DNAH6: variants seen among roughly 807,000 people sequenced by gnomAD.
DNAH6 encodes the protein axonemal beta dynein heavy chain 6.
DNAH6 carries 340 observed loss-of-function variants against 491.4 expected under a neutral mutation model. The ratio of observed to expected loss-of-function variants is 0.69; its 90% CI spans 0.63 to 0.76. DNAH6 has a LOEUF of 0.76. DNAH6 is among the 30% of genes least tolerant of loss of function. DNAH6 has a pLI of 0.00. For synonymous variants in DNAH6, 1,603 were observed against 1,686.1 expected (o/e 0.95, Z 1.21); for missense variants, 4,443 against 4,972.2 (o/e 0.89, Z 3.20).
At chr2:84,675,284 C>T (rs890333788) in intron 40 of DNAH6, among the ~76,000 whole-genome samples, 4 of 152,098 alleles carry the variant, frequency 2.6e-5, no homozygotes, top group Non-Finnish European at 5.9e-5. Flanking sequence ...TTTTTATGGC[C>T]CCTGCTAAGC....
Position 84,819,399 on chromosome 2 carries a change from G to A in DNAH6, c.12468G>A (p.Leu4156=), listed in dbSNP as rs1418635306. 2 of 1,550,556 alleles carry A rather than the reference G, an allele frequency of 1.3e-6. No individual in the cohort carries two copies. The highest frequency in any genetic ancestry group is 2.0e-5 in the Admixed American group (1 of 50,920). ...IAKGSALLCQ[L]SE ...AGGGATCAGCTTTGCTCTGCCAGCT[G>A]AGCGAATGAAAAGGTGCCACCTCAG... is the stretch of plus-strand genomic sequence containing the variant. Residue 4156 remains leucine, a synonymous_variant, in exon 77 of 77, where the codon CTG becomes CTA. Transcript: ENST00000389394.
chr2:84,657,855 G>A (rs1047196677), intron 35 of DNAH6, among the ~76,000 whole-genome samples: 3 of 151,982 alleles, frequency 2.0e-5, no homozygotes, highest in African/African-American at 7.2e-5. Flanking sequence ...GGACAAAGTT[G>A]AATAAGAGTA....
At chr2:84,479,115 C>T in the DNAH6 span, among the ~76,000 whole-genome samples, 1 of 152,344 alleles carries the variant, frequency 6.6e-6, no homozygotes, top group Non-Finnish European at 1.5e-5. Context: ...TCTCTGATGT[C>T]CAACCGTAGT....
Position 84,775,434 on chromosome 2 carries a change from G to A in DNAH6, c.10704-6059G>A, listed in dbSNP as rs142356215. On this transcript the variant is annotated intron_variant, in intron 64 of 76. Transcript: ENST00000389394. The stretch of plus-strand genomic sequence containing the variant: ...TCCTAGTATTTTGTTGAGAATTTTC[G>A]CATCTATGTTCATCATAGATATTGG... Among the ~76,000 whole-genome samples, 718 of 152,076 alleles carry A rather than the reference G, an allele frequency of 4.7e-3. 2 individuals are homozygous for A. The highest frequency in any genetic ancestry group is 0.014 in the Middle Eastern group (4 of 294).
At chr2:84,599,769 A>G (rs1178051616) in intron 18 of DNAH6, among the ~76,000 whole-genome samples, 4 of 152,156 alleles carry the variant, frequency 2.6e-5, no homozygotes, top group Non-Finnish European at 4.4e-5. Context: ...TACGATAGCT[A>G]GTAAGTGTTG....
intron 8 of DNAH6, among the ~76,000 whole-genome samples, chr2:84,548,765 C>T (rs373992453): frequency 3.0e-4 from 45 of 152,198 alleles, no homozygotes; most frequent in African/African-American, 1.0e-3. Flanking sequence ...AGCTCTGGGA[C>T]TGTGAGCTGG....
rs1359543331 is a variant in DNAH6, at chr2:84,619,911, T to C, written c.3792+7T>C. The C allele has an allele frequency of 1.3e-6, 2 of 1,545,154 alleles. No homozygotes were observed. The highest frequency in any genetic ancestry group is 1.8e-6 in the Non-Finnish European group (2 of 1,141,772). ...GTCACCAGAGGGAGAAAGGGTGAGG[T>C]GCTTTTATTTATATTTCTTTATTGA... On this transcript the variant is annotated splice_region_variant and intron_variant, in intron 24 of 76. Coordinates refer to ENST00000389394, the MANE Select transcript of DNAH6 (RefSeq NM_001370.2).
At chr2:84,734,805 CAGTTA>C (rs1699404652) in intron 62 of DNAH6, among the ~76,000 whole-genome samples, 1 of 152,172 alleles carries the variant, frequency 6.6e-6, no homozygotes, top group African/African-American at 2.4e-5. Flanking sequence ...AATAGGTTTA[CAGTTA>C]AGTTCTTAGT....
intron 2 of DNAH6, among the ~76,000 whole-genome samples, chr2:84,524,286 T>C (rs1482534503): frequency 6.6e-6 from 1 of 152,058 alleles, no homozygotes; most frequent in Admixed American, 6.6e-5. Context: ...CTTTTTTCTG[T>C]TTCCCATTTG....
At chr2:84,641,512 C>T (rs1689396655) in intron 32 of DNAH6, among the ~76,000 whole-genome samples, 1 of 152,092 alleles carries the variant, frequency 6.6e-6, no homozygotes, top group Admixed American at 6.6e-5. Context: ...CAGGGCTGCA[C>T]CCACCAGAGG....
chr2:84,796,517 G>A, intron 69 of DNAH6, 92 bp downstream of exon 69: 1 of 1,152,792 alleles, frequency 8.7e-7, no homozygotes. Flanking sequence ...GTCTGTGTCA[G>A]GTCTCCACAA....
At chr2:84,726,903 G>T (rs989379429) in intron 60 of DNAH6, among the ~76,000 whole-genome samples, 4 of 152,150 alleles carry the variant, frequency 2.6e-5, no homozygotes, top group African/African-American at 9.7e-5. Context: ...TGCCTTCCCA[G>T]TATCTTTATA....
At chr2:84,788,749 C>T (rs1239625338) in intron 68 of DNAH6, among the ~76,000 whole-genome samples, 1 of 152,152 alleles carries the variant, frequency 6.6e-6, no homozygotes, top group Non-Finnish European at 1.5e-5. Context: ...AGGCCAGCAC[C>T]TAGTCTTGGT....
At chr2:84,540,921 A>C (rs1678181732) in intron 4 of DNAH6, among the ~76,000 whole-genome samples, 1 of 152,202 alleles carries the variant, frequency 6.6e-6, no homozygotes, top group African/African-American at 2.4e-5. Context: ...TGAGTTAACT[A>C]TCCAAGGATC....
At chr2:84,474,096 T>TA in the DNAH6 span, among the ~76,000 whole-genome samples, 4 of 151,976 alleles carry the variant, frequency 2.6e-5, no homozygotes, top group African/African-American at 9.7e-5. Flanking sequence ...AAAGGAATGG[T>TA]AAAAAAGCAA....
intron 11 of DNAH6, among the ~76,000 whole-genome samples, chr2:84,573,041 T>C (rs954554040): frequency 6.6e-6 from 1 of 152,180 alleles, no homozygotes; most frequent in African/African-American, 2.4e-5. Flanking sequence ...AAAGATTTGA[T>C]AGTAAGATTA....
intron 61 of DNAH6, among the ~76,000 whole-genome samples, chr2:84,733,129 C>A (rs1186079519): frequency 1.3e-5 from 2 of 152,110 alleles, no homozygotes; most frequent in African/African-American, 4.8e-5. Context: ...AAATTATTAA[C>A]CTTAGGAATA....
chr2:84,733,774 A>C (rs1252049899), intron 62 of DNAH6, among the ~76,000 whole-genome samples, 195 bp downstream of exon 62: 1 of 151,414 alleles, frequency 6.6e-6, no homozygotes, highest in Non-Finnish European at 1.5e-5. Flanking sequence ...TTAATATTTC[A>C]TGTTTACTTT....
chr2:84,705,683 T>C lies in DNAH6; in HGVS notation c.8663T>C (p.Met2888Thr), dbSNP rs1696359483. 3.2e-6 allele frequency: 5 copies of C among 1,551,800 alleles called. No homozygotes were observed. The highest frequency in any genetic ancestry group is 4.4e-6 in the Non-Finnish European group (5 of 1,147,010). Reference protein sequence around the residue: ...CKSMCMWVRAMDLYSRVVKVV... With the variant: ...CKSMCMWVRATDLYSRVVKVV... ...TCTATGTGCATGTGGGTAAGAGCTA[T>C]GGATTTGTACTCTCGAGTGGTCAAG... The change falls in exon 52 of 77, where the codon ATG (methionine) becomes ACG (threonine). Residue 2888 changes from methionine (M) to threonine (T), a missense_variant. Physicochemically the swap from Met to Thr is moderately conservative, Grantham distance 81. This residue lies in a region of DNAH6 where 1,463 missense variants were observed against 1,656.6 expected (regional missense o/e 0.88). Coordinates refer to ENST00000389394, the MANE Select transcript of DNAH6 (RefSeq NM_001370.2).
Sources: gnomAD v4.1 joint callset for allele counts (sites outside exome capture counted in the v4.1 genomes callset) on GRCh38, gnomAD v4.1.1 for gene constraint, gnomAD v4.1.1 regional missense constraint, MANE v1.5 for transcripts, NCBI Gene and HGNC (gene_info 2026-07-23, HGNC 2026-07-21) for gene names.